RCN2: variants seen among roughly 807,000 people sequenced by gnomAD.
RCN2 encodes reticulocalbin-2.
Under a neutral mutation model 37.5 loss-of-function variants are expected in RCN2, and 23 were observed. The ratio of observed to expected loss-of-function variants is 0.61; its 90% CI spans 0.44 to 0.87. The LOEUF (loss-of-function observed/expected upper bound fraction) is 0.87, where lower values mean the gene tolerates loss of function less well. Among genes scored for constraint, RCN2 ranks in the 40% least tolerant of loss-of-function variants. RCN2 has a pLI of 0.00. For missense variants in RCN2, 381 were observed against 390.4 expected (o/e 0.98, Z 0.20); for synonymous variants, 140 against 144.6 (o/e 0.97, Z 0.23).
Position 76,935,593 on chromosome 15 carries a change from T to C in RCN2, c.318T>C (p.Phe106=), listed in dbSNP as rs1271623209. The C allele has an allele frequency of 1.9e-6, 3 of 1,613,740 alleles. No individual in the cohort carries two copies. Among genetic ancestry groups the C allele is most frequent in the Non-Finnish European group, 2.5e-6 (3 of 1,179,664 alleles). The change falls in exon 3 of 7, where the codon TTT becomes TTC. Residue 106 remains phenylalanine, a synonymous_variant. Coordinates refer to ENST00000394885, the MANE Select transcript of RCN2 (RefSeq NM_002902.3). ...HYAMQEAKQQ[F]VEYDKNSDDT... ...CTATGCAAGAAGCAAAACAACAGTT[T>C]GTTGAATATGATAAAAACAGTGATG...
At chr15:76,945,442 A>G (rs2075292877) in intron 4 of RCN2, among the ~76,000 whole-genome samples, 1 of 152,188 alleles carries the variant, frequency 6.6e-6, no homozygotes, top group Non-Finnish European at 1.5e-5. Flanking sequence ...TTTAAGTATA[A>G]TGAGTCCTCT....
At chr15:76,932,324 A>G (rs2075227467) in intron 1 of RCN2, 37 bp from the exon 2 acceptor site, 1 of 1,510,146 alleles carries the variant, frequency 6.6e-7, no homozygotes. Context: ...CACTGATAGT[A>G]ATGCTTGGCC....
intron 3 of RCN2, chr15:76,941,498 A>G: frequency 2.3e-6 from 1 of 432,740 alleles, no homozygotes; most frequent in East Asian, 3.4e-5. Flanking sequence ...TAATCTAAAA[A>G]TAAATGATTA....
chr15:76,936,188 A>G (rs1297889298), intron 3 of RCN2, among the ~76,000 whole-genome samples: 1 of 152,176 alleles, frequency 6.6e-6, no homozygotes, highest in Non-Finnish European at 1.5e-5. Context: ...AAAAAAAAAA[A>G]AACTGTGTCT....
intron 1 of RCN2, 119 bp from the exon 2 acceptor site, chr15:76,932,242 G>C: frequency 6.1e-6 from 5 of 814,846 alleles, no homozygotes; most frequent in African/African-American, 1.7e-5. Flanking sequence ...TTGAAGTGCA[G>C]GTGCGGGTCA....
intron 2 of RCN2, among the ~76,000 whole-genome samples, chr15:76,934,479 T>C (rs911870272): frequency 6.6e-6 from 1 of 152,144 alleles, no homozygotes; most frequent in South Asian, 2.1e-4. Context: ...AAGTGAACAT[T>C]TGAATTTTAG....
At chr15:76,936,150 AT>A (rs1200963157) in intron 3 of RCN2, among the ~76,000 whole-genome samples, 3 of 152,022 alleles carry the variant, frequency 2.0e-5, no homozygotes, top group Non-Finnish European at 2.9e-5. Flanking sequence ...ACAACTGAGA[AT>A]CGTAAGTATC....
At position 76,931,872 on chromosome 15, in the gene RCN2, G is replaced by C; in HGVS notation, c.31G>C (p.Gly11Arg). 3 of 1,308,616 alleles carry C rather than the reference G, an allele frequency of 2.3e-6. No individual in the cohort carries two copies. The highest frequency in any genetic ancestry group is 3.4e-5 in the East Asian group (1 of 29,776). The allele number at this position is 1,308,616 out of a possible 1,614,324, so 81.1% of individuals were successfully genotyped here. A position where few individuals can be genotyped will look rare whatever the true frequency, so the allele number is the denominator to read the frequency against. ...GCTGGGCCCGAGGACCGCGGCGTTG[G>C]GGCTGCTGCTGCTGTGCGCCGCCGC... MRLGPRTAALGLLLLCAAAAG... is the reference protein window; with the variant it reads MRLGPRTAALRLLLLCAAAAG... The change falls in exon 1 of 7, where the codon GGG (glycine) becomes CGG (arginine). Residue 11 changes from glycine to arginine, a missense_variant. By Grantham distance (125) the Gly-to-Arg change is moderately radical (BLOSUM62 -2). Transcript: ENST00000394885.
At chr15:76,942,992 A>G (rs1252016224) in intron 3 of RCN2, 1 of 152,220 alleles carries the variant, frequency 6.6e-6, no homozygotes, top group Non-Finnish European at 1.5e-5. Flanking sequence ...ACATATACTA[A>G]TATTATGAGA....
intron 4 of RCN2, among the ~76,000 whole-genome samples, chr15:76,946,946 G>A (rs1596006818): frequency 6.6e-6 from 1 of 152,116 alleles, no homozygotes; most frequent in South Asian, 2.1e-4. Context: ...GTATAATGGC[G>A]GGCTGGTACA....
Position 76,951,456 on chromosome 15 carries a change from C to T in RCN2, c.*2234C>T, listed in dbSNP as rs2075320255. 6.6e-6 allele frequency: 1 copy of T among 152,152 alleles called. No individual in the cohort carries two copies. The highest frequency in any genetic ancestry group is 2.4e-5 in the African/African-American group (1 of 41,428). The allele number at this position is 152,152 out of a possible 1,614,324, so 9.4% of individuals were successfully genotyped here. A position where few individuals can be genotyped will look rare whatever the true frequency, so the allele number is the denominator to read the frequency against. On this transcript the variant is annotated 3_prime_UTR_variant, in exon 7 of 7. Coordinates refer to ENST00000394885, the MANE Select transcript of RCN2 (RefSeq NM_002902.3). Reference sequence around the variant, plus strand: ...GGGCTTTGTATGATCAAAAAATAAGCTTTTAATTATGTTAAGCCACTGAGA... The same window carrying T: ...GGGCTTTGTATGATCAAAAAATAAGTTTTTAATTATGTTAAGCCACTGAGA...
chr15:76,940,362 T>C (rs2075271775), intron 3 of RCN2, among the ~76,000 whole-genome samples: 1 of 151,420 alleles, frequency 6.6e-6, no homozygotes, highest in Non-Finnish European at 1.5e-5. Flanking sequence ...CCAGAAACCA[T>C]ATGCATTATT....
chr15:76,936,481 C>T (rs1231403497), intron 3 of RCN2, among the ~76,000 whole-genome samples: 2 of 152,090 alleles, frequency 1.3e-5, no homozygotes, highest in South Asian at 2.1e-4. Context: ...GAAGATCCCT[C>T]ACATGTACAG....
intron 2 of RCN2, among the ~76,000 whole-genome samples, chr15:76,932,892 TA>T (rs1463025641): frequency 6.6e-6 from 1 of 152,192 alleles, no homozygotes; most frequent in Non-Finnish European, 1.5e-5. Context: ...GCCTGTGAAT[TA>T]CGTTTATTAT....
chr15:76,935,751 T>C, intron 3 of RCN2, 29 bp downstream of exon 3: 2 of 1,565,092 alleles, frequency 1.3e-6, no homozygotes, highest in Non-Finnish European at 1.7e-6. Flanking sequence ...GCTGTTTCTT[T>C]TGATCATGTC....
chr15:76,933,040 T>C (rs189905934), intron 2 of RCN2, among the ~76,000 whole-genome samples: 30 of 152,264 alleles, frequency 2.0e-4, no homozygotes, highest in Admixed American at 1.8e-3. Flanking sequence ...AGAATCCAGG[T>C]ATCCTGCTCT....
chr15:76,931,889 C>T lies in RCN2; in HGVS notation c.48C>T (p.Cys16=), dbSNP rs2075224114. The T allele has an allele frequency of 3.0e-6, 4 of 1,318,348 alleles. No homozygotes were observed. The African/African-American group carries it at 4.6e-5, about 15-fold the overall frequency. The allele number at this position is 1,318,348 out of a possible 1,614,324, so 81.7% of individuals were successfully genotyped here. Reference sequence around the variant, plus strand: ...CGGCGTTGGGGCTGCTGCTGCTGTGCGCCGCCGCGGCCGGCGCCGGCAAGG... The same window carrying T: ...CGGCGTTGGGGCTGCTGCTGCTGTGTGCCGCCGCGGCCGGCGCCGGCAAGG... ...RTAALGLLLL[C]AAAAGAGKAE... is the part of the protein sequence containing the mutation. Residue 16 remains cysteine, a synonymous_variant, in exon 1 of 7, where the codon TGC becomes TGT. Transcript: ENST00000394885.
rs1383781384 is a variant in RCN2 at position 76,952,321 on chromosome 15, A to C, written c.*3099A>C. On this transcript the variant is annotated 3_prime_UTR_variant, in exon 7 of 7. Transcript: ENST00000394885. Reference sequence around the variant, plus strand: ...ATTCCCACCATTGTAGTGTGGTAGAATATTTCCCTTGCCCTAAAGTCTTTC... The same window carrying C: ...ATTCCCACCATTGTAGTGTGGTAGACTATTTCCCTTGCCCTAAAGTCTTTC... 6.6e-6 allele frequency: 1 copy of C among 152,172 alleles called. No individual in the cohort carries two copies. Among genetic ancestry groups the C allele is most frequent in the Non-Finnish European group, 1.5e-5 (1 of 68,038 alleles). The allele number at this position is 152,172 out of a possible 1,614,324, so 9.4% of individuals were successfully genotyped here. A position where few individuals can be genotyped will look rare whatever the true frequency, so the allele number is the denominator to read the frequency against.
At chr15:76,946,563 C>G (rs1305135224) in intron 4 of RCN2, among the ~76,000 whole-genome samples, 1 of 152,044 alleles carries the variant, frequency 6.6e-6, no homozygotes, top group Non-Finnish European at 1.5e-5. Context: ...ATCAGCCTTG[C>G]CAACATGGCA....
Sources: allele counts gnomAD v4.1 joint callset (sites outside exome capture counted in the v4.1 genomes callset), GRCh38; gene constraint gnomAD v4.1.1; transcripts MANE v1.5; gene names NCBI Gene and HGNC (gene_info 2026-07-23, HGNC 2026-07-21).